ITGA6: variants seen among roughly 807,000 people sequenced by gnomAD.
The protein encoded by ITGA6 is integrin subunit alpha 6.
A neutral mutation model predicts 133.6 loss-of-function variants in ITGA6; 63 were observed. That is an observed-to-expected ratio of 0.47 (90% confidence interval 0.38 to 0.58). ITGA6 has a LOEUF of 0.58. ITGA6 is among the 20% of genes least tolerant of loss of function. The pLI is 0.00. For missense variants in ITGA6, 1,068 were observed against 1,309.4 expected (o/e 0.82, Z 2.85); for synonymous variants, 434 against 482.0 (o/e 0.90, Z 1.30).
intron 1 of ITGA6, among the ~76,000 whole-genome samples, chr2:172,460,297 G>C (rs1361376841): frequency 6.6e-6 from 1 of 152,210 alleles, no homozygotes; most frequent in African/African-American, 2.4e-5. Context: ...GCAAGACATG[G>C]AGAAACTAAG....
intron 25 of ITGA6, among the ~76,000 whole-genome samples, chr2:172,502,858 A>G (rs180997007): frequency 1.1e-4 from 16 of 152,352 alleles, no homozygotes; most frequent in Admixed American, 8.5e-4. Flanking sequence ...ACAGTGAATC[A>G]CAACATTGCC....
In ITGA6 at chr2:172,504,077, T is replaced by C; in HGVS notation, c.*23-14T>C. The C allele has an allele frequency of 6.4e-7, 1 of 1,554,206 alleles. No homozygotes were observed. The highest frequency in any genetic ancestry group is 8.7e-7 in the Non-Finnish European group (1 of 1,151,606). On this transcript the variant is annotated splice_polypyrimidine_tract_variant and intron_variant, in intron 25 of 25. Transcript: ENST00000684293. The stretch of plus-strand genomic sequence containing the variant: ...AGATTAATTTGTTTCTCTTTCTCTT[T>C]CCCTCTTCTCTAGTGTGGATTCTTT...
At chr2:172,452,667 G>A (rs747936746) in intron 1 of ITGA6, among the ~76,000 whole-genome samples, 4 of 152,198 alleles carry the variant, frequency 2.6e-5, no homozygotes, top group African/African-American at 4.8e-5. Context: ...AGTTCTGCAA[G>A]TATAAAATTA....
At chr2:172,502,100 C>T (rs567505219) in intron 25 of ITGA6, among the ~76,000 whole-genome samples, 199 bp downstream of exon 25, 1 of 152,014 alleles carries the variant, frequency 6.6e-6, no homozygotes, top group Admixed American at 6.5e-5. Context: ...CACAGTCTTT[C>T]GTTGCAGGTG....
Position 172,471,119 on chromosome 2 carries a change from C to G in ITGA6, c.775+14C>G. The G allele has an allele frequency of 6.2e-7, 1 of 1,614,076 alleles. No homozygotes were observed. The highest frequency in any genetic ancestry group is 8.5e-7 in the Non-Finnish European group (1 of 1,179,898). On this transcript the variant is annotated intron_variant, in intron 5 of 25. Transcript: ENST00000684293. ...ACAGTTACTTAGGTAGGAGCAGGCACAGATGGCTGCCTTTGCCCACCTTCT... is the reference window on the plus strand; with the variant it reads ...ACAGTTACTTAGGTAGGAGCAGGCAGAGATGGCTGCCTTTGCCCACCTTCT...
Position 172,484,912 on chromosome 2 carries a change from A to G in ITGA6, c.1680A>G (p.Lys560=). 2 of 1,614,226 alleles carry G rather than the reference A, an allele frequency of 1.2e-6. No individual in the cohort carries two copies. The highest frequency in any genetic ancestry group is 3.3e-5 in the Admixed American group (2 of 60,038). ...TAACTCTGAAGAGGCAGAAACAGAA[A>G]GTGTGCATGGAGGAAACCCTGTGGC... The part of the protein sequence containing the change: ...QELTLKRQKQ[K]VCMEETLWLQ... Residue 560 remains lysine, a synonymous_variant, in exon 12 of 26, where the codon AAA becomes AAG. Transcript: ENST00000684293.
At chr2:172,462,291 T>C (rs544333226) in intron 1 of ITGA6, among the ~76,000 whole-genome samples, 53 of 152,292 alleles carry the variant, frequency 3.5e-4, no homozygotes, top group Admixed American at 1.0e-3. Flanking sequence ...GGTGGAACAC[T>C]CCTGCTTCCT....
rs563119745 is a variant in ITGA6, at chr2:172,444,802, C to T, written c.182+16832C>T. Among the ~76,000 whole-genome samples the T allele has an allele frequency of 1.9e-4, 28 of 149,888 alleles. 1 individual carries two copies. In the South Asian group the frequency reaches 4.8e-3, roughly 25 times the overall value. On this transcript the variant is annotated intron_variant, in intron 1 of 25. Transcript: ENST00000684293. ...AATAAAGGGGAAATGCCCTCATAAGCGAGGAGCCCCTGGATTGTAGCTCCC... is the reference window on the plus strand; with the variant it reads ...AATAAAGGGGAAATGCCCTCATAAGTGAGGAGCCCCTGGATTGTAGCTCCC...
intron 23 of ITGA6, among the ~76,000 whole-genome samples, chr2:172,492,259 T>C (rs967729286): frequency 1.3e-5 from 2 of 152,232 alleles, no homozygotes; most frequent in African/African-American, 2.4e-5. Flanking sequence ...TTTCAAACCA[T>C]TGCTGAGCAG....
intron 1 of ITGA6, chr2:172,428,571 T>C (rs950482091): frequency 2.3e-5 from 2 of 87,712 alleles, no homozygotes; most frequent in African/African-American, 8.5e-5. Flanking sequence ...AAGATGGGGG[T>C]GGGGGCGGGA....
intron 1 of ITGA6, among the ~76,000 whole-genome samples, chr2:172,458,310 G>A (rs1018683178): frequency 6.7e-6 from 1 of 149,112 alleles, no homozygotes; most frequent in African/African-American, 2.5e-5. Flanking sequence ...GTACAATCTC[G>A]GCTCCTGAAA....
chr2:172,442,121 A>G (rs1684568807), intron 1 of ITGA6, among the ~76,000 whole-genome samples: 1 of 152,212 alleles, frequency 6.6e-6, no homozygotes, highest in Middle Eastern at 3.4e-3. Flanking sequence ...TGTGTTCCCC[A>G]TGTTTCTCAC....
upstream of ITGA6, chr2:172,427,510 G>A (rs1203146394): frequency 2.7e-6 from 3 of 1,118,634 alleles, no homozygotes; most frequent in Non-Finnish European, 3.3e-6. Context: ...GGCGCGCAAG[G>A]AGGGGCGAGA....
chr2:172,474,915 CATT>C lies in ITGA6; in HGVS notation c.987-11_987-9del. ...CTGTTGGTTCACGGCTCTTTCCCCT[CATT>C]ATGTTTTTAGGTGGCAAGATATAGT... On this transcript the variant is annotated splice_polypyrimidine_tract_variant and intron_variant, in intron 6 of 25. Transcript: ENST00000684293. 7.3e-7 allele frequency: 1 copy of C among 1,377,902 alleles called. No homozygotes were observed. Among genetic ancestry groups the C allele is most frequent in the East Asian group, 2.3e-5 (1 of 43,834 alleles). 85.4% of individuals were successfully genotyped at this position (1,377,902 alleles called of 1,614,324 possible).
chr2:172,483,872 A>G (rs1686551795), intron 11 of ITGA6, among the ~76,000 whole-genome samples: 1 of 152,164 alleles, frequency 6.6e-6, no homozygotes, highest in Non-Finnish European at 1.5e-5. Flanking sequence ...GTGCAATGGC[A>G]TGAATTCAGC....
chr2:172,472,166 AC>A (rs561148438), intron 5 of ITGA6, among the ~76,000 whole-genome samples: 80 of 152,344 alleles, frequency 5.3e-4, no homozygotes, highest in African/African-American at 1.8e-3. Flanking sequence ...TACTAAAAAT[AC>A]AAAAATATTA....
intron 9 of ITGA6, among the ~76,000 whole-genome samples, chr2:172,479,305 A>G (rs955886496): frequency 4.6e-5 from 7 of 152,226 alleles, no homozygotes; most frequent in Admixed American, 1.3e-4. Flanking sequence ...TTAATTTTAG[A>G]TAATTTTAAC....
upstream of ITGA6, chr2:172,427,494 G>A (rs904860841): frequency 4.6e-6 from 5 of 1,094,198 alleles, no homozygotes; most frequent in South Asian, 1.2e-4. Context: ...GGTGCGCCGG[G>A]CCGCGGGCGC....
intron 1 of ITGA6, among the ~76,000 whole-genome samples, chr2:172,450,877 T>TATATATTTATATACAAATATA (rs1384937620): frequency 7.1e-6 from 1 of 140,498 alleles, no homozygotes; most frequent in African/African-American, 2.9e-5. Context: ...ACAAATATAT[T>TATATATTTATATACAAATATA]TATATATTTA....
Sources: allele counts gnomAD v4.1 joint callset (sites outside exome capture counted in the v4.1 genomes callset), GRCh38; gene constraint gnomAD v4.1.1; transcripts MANE v1.5; gene names NCBI Gene and HGNC (gene_info 2026-07-23, HGNC 2026-07-21).